UBR4: variants seen among roughly 807,000 people sequenced by gnomAD.
UBR4 encodes E3 ubiquitin-protein ligase UBR4.
UBR4 carries 124 observed loss-of-function variants against 575.6 expected under a neutral mutation model. The ratio of observed to expected loss-of-function variants is 0.22; its 90% CI spans 0.19 to 0.25. The LOEUF is 0.25. Among genes scored for constraint, UBR4 ranks in the 10% least tolerant of loss-of-function variants. The probability of loss-of-function intolerance (pLI) is 1.00; values close to 1 mark genes in which losing one functional copy is unlikely to be tolerated. For synonymous variants in UBR4, 2,455 were observed against 2,473.7 expected, an observed-to-expected ratio of 0.99 and a Z score of 0.22; for missense variants, 4,818 against 6,478.8, an observed-to-expected ratio of 0.74 and a Z score of 8.80.
At chr1:19,091,657 C>T (rs2077523074) in intron 97 of UBR4, among the ~76,000 whole-genome samples, 1 of 152,188 alleles carries the variant, frequency 6.6e-6, no homozygotes, top group Non-Finnish European at 1.5e-5. Context: ...AAAATAGTCA[C>T]CAAATGCTGG....
intron 60 of UBR4, among the ~76,000 whole-genome samples, chr1:19,133,841 G>A (rs567878130): frequency 3.9e-4 from 59 of 152,066 alleles, no homozygotes; most frequent in South Asian, 2.7e-3. Context: ...CACTTTGGGA[G>A]GCCAAGGTGG....
chr1:19,136,574 G>A (rs2083221203), intron 60 of UBR4, among the ~76,000 whole-genome samples: 1 of 152,044 alleles, frequency 6.6e-6, no homozygotes, highest in Admixed American at 6.5e-5. Context: ...CTCAAAAGAA[G>A]GCCACAAAGA....
chr1:19,194,097 C>T (rs765484373), intron 8 of UBR4, among the ~76,000 whole-genome samples: 5 of 152,100 alleles, frequency 3.3e-5, no homozygotes, highest in African/African-American at 7.2e-5. Context: ...CTATTTTGTA[C>T]AATATGGTAA....
rs541133163 is a variant in UBR4, at chr1:19,185,699, G to A, written c.1751-413C>T. Among the ~76,000 whole-genome samples, 10 of 150,194 alleles carry A rather than the reference G, an allele frequency of 6.7e-5. No individual in the cohort carries two copies. In the Admixed American group the frequency reaches 6.7e-4, roughly 10 times the overall value. On this transcript the variant is annotated intron_variant, in intron 14 of 105. Coordinates refer to ENST00000375254, the MANE Select transcript of UBR4 (RefSeq NM_020765.3). ...AGCGATTCTCCTGCCTCAGTCTCCC[G>A]AGTAGCTGGGACTACAGGCTACAGG...
rs770402776 is a variant in UBR4 at position 19,177,611 on chromosome 1, T to C, written c.2487A>G (p.Ile829Met). ...HNFTETGRRA[I>M]LSLFVQIIQE... ...GGATGATCTGGACAAAAAGCGACAA[T>C]ATGGCCCGCCGGCCTGTCTCGGTGA... Residue 829 changes from isoleucine to methionine, a missense_variant, in exon 19 of 106, where the codon ATA becomes ATG. Ile to Met is a conservative substitution (Grantham distance 10). This residue lies in a region of UBR4 where 1,172 missense variants were observed against 1,259.7 expected (regional missense o/e 0.93). Coordinates refer to ENST00000375254, the MANE Select transcript of UBR4 (RefSeq NM_020765.3). 1.9e-6 allele frequency: 3 copies of C among 1,613,290 alleles called. No individual in the cohort carries two copies. Among genetic ancestry groups the C allele is most frequent in the East Asian group, 2.2e-5 (1 of 44,796 alleles).
In UBR4 at chr1:19,115,223, T is replaced by A. The variant is rs58132182; in HGVS notation, c.11063+175A>T. 0.023 allele frequency among the ~76,000 whole-genome samples: 3,079 copies of A among 135,556 alleles called. 100 individuals are homozygous for A. Among genetic ancestry groups the A allele is most frequent in the African/African-American group, 0.078 (2,664 of 34,066 alleles). 88.9% of individuals were successfully genotyped at this position (135,556 alleles called of 152,430 possible). ...TGCACACACACACACACACACACAC[T>A]CACTCACTCTCTCTTCTTCCTCCTC... is the stretch of plus-strand genomic sequence containing the variant. On this transcript the variant is annotated intron_variant, in intron 74 of 105. Transcript: ENST00000375254.
At position 19,185,261 on chromosome 1, in the gene UBR4, C is replaced by T. The variant is rs752662424; in HGVS notation, c.1776G>A (p.Gly592=). ...SQDDDSEPIL[G]QWFEETISPS... ...GAGAAATAGTCTCCTCAAACCATTG[C>T]CCCAAAATAGGCTCACTGTCATCGT... The change falls in exon 15 of 106, where the codon GGG becomes GGA. Residue 592 remains glycine (G), a synonymous_variant. Transcript: ENST00000375254. 2 of 1,585,518 alleles carry T rather than the reference C, an allele frequency of 1.3e-6. No homozygotes were observed. Among genetic ancestry groups the T allele is most frequent in the South Asian group, 1.2e-5 (1 of 86,918 alleles).
In UBR4 at chr1:19,110,442, A is replaced by G. The variant is rs1344536710; in HGVS notation, c.11915T>C (p.Met3972Thr). 2 of 1,614,044 alleles carry G rather than the reference A, an allele frequency of 1.2e-6. No homozygotes were observed. Among genetic ancestry groups the G allele is most frequent in the Non-Finnish European group, 1.7e-6 (2 of 1,180,038 alleles). The change falls in exon 80 of 106, where the codon ATG becomes ACG. Residue 3972 changes from methionine to threonine, a missense_variant. Physicochemically the swap from Met to Thr is moderately conservative, Grantham distance 81 (BLOSUM62 -1). Around this residue, in one of 29 missense-constraint regions of UBR4, gnomAD observed 333 missense variants for 459.2 expected, o/e 0.73. Transcript: ENST00000375254. The surrounding 1 kb of genome is among the most constrained non-coding windows in gnomAD (Gnocchi z 4.5). ...GGAGATAGAATCCGTCAGCAGCAGC[A>G]TTTCATACTGCAGGCTACTTGCCTA... The part of the protein sequence containing the change: ...PDLASSLQYE[M>T]LLLTDSISKE...
chr1:19,206,299 T>C (rs2093004827), intron 1 of UBR4, among the ~76,000 whole-genome samples: 1 of 151,952 alleles, frequency 6.6e-6, no homozygotes, highest in Non-Finnish European at 1.5e-5. Context: ...ATCGTCCCAC[T>C]GTACTCCAGC....
At chr1:19,183,660 T>C in intron 17 of UBR4, 151 bp downstream of exon 17, 1 of 687,370 alleles carries the variant, frequency 1.5e-6, no homozygotes, top group African/African-American at 1.8e-5. Context: ...AGGTGGAGGT[T>C]GCAGTGAGCC....
At position 19,185,220 on chromosome 1, in the gene UBR4, G is replaced by A. The variant is rs370566408; in HGVS notation, c.1817C>T (p.Ala606Val). 16 of 1,612,944 alleles carry A rather than the reference G, an allele frequency of 9.9e-6. No homozygotes were observed. The highest frequency in any genetic ancestry group is 2.2e-5 in the South Asian group (2 of 90,934). Residue 606 changes from alanine to valine, a missense_variant, in exon 15 of 106, where the codon GCA (alanine) becomes GTA (valine). By Grantham distance (64) the Ala-to-Val change is moderately conservative. Transcript: ENST00000375254. ...AGGTGGGGGAGGAGGCGGAGGTGCT[G>A]CTTTCTCTTTACTGGGAGAAATAGT... ...EETISPSKEK[A>V]APPPPPPPPP...
Position 19,210,051 on chromosome 1 carries a change from C to T in UBR4, c.176+22G>A, listed in dbSNP as rs771197933. 1.0e-5 allele frequency: 16 copies of T among 1,529,516 alleles called. 1 individual carries two copies. In the South Asian group the frequency reaches 1.8e-4, roughly 17 times the overall value. The allele number at this position is 1,529,516 out of a possible 1,614,324, so 94.7% of individuals were successfully genotyped here. Reference sequence around the variant, plus strand: ...CCCCTCCCCCCACAACAGCGTCGCCCGCCAGAGCCGCCGCCCGGTACCTCT... The same window carrying T: ...CCCCTCCCCCCACAACAGCGTCGCCTGCCAGAGCCGCCGCCCGGTACCTCT... On this transcript the variant is annotated intron_variant, in intron 1 of 105. Coordinates refer to ENST00000375254, the MANE Select transcript of UBR4 (RefSeq NM_020765.3).
intron 90 of UBR4, among the ~76,000 whole-genome samples, chr1:19,097,953 C>T (rs1488454629): frequency 1.3e-5 from 2 of 152,314 alleles, no homozygotes; most frequent in East Asian, 3.9e-4. Flanking sequence ...ATTACAGCAA[C>T]TTCACTAAAT....
intron 39 of UBR4, among the ~76,000 whole-genome samples, chr1:19,158,251 C>T (rs918307076): frequency 2.2e-4 from 34 of 152,264 alleles, no homozygotes; most frequent in Admixed American, 1.2e-3. Flanking sequence ...GTTAAAATGT[C>T]CAATCTCTTA....
At chr1:19,102,103 A>G (rs1192193233) in intron 87 of UBR4, among the ~76,000 whole-genome samples, 2 of 152,264 alleles carry the variant, frequency 1.3e-5, no homozygotes, top group Non-Finnish European at 2.9e-5. Flanking sequence ...AGTAACATGA[A>G]GGTGAGAAAA....
intron 104 of UBR4, among the ~76,000 whole-genome samples, chr1:19,077,377 G>A (rs1466570785): frequency 2.0e-5 from 3 of 152,212 alleles, no homozygotes; most frequent in Non-Finnish European, 4.4e-5. Context: ...ACCCGGCGGG[G>A]AAGGTCTTCC....
Position 19,139,146 on chromosome 1 carries a change from C to T in UBR4, c.8668G>A (p.Gly2890Ser). Residue 2890 changes from glycine (G) to serine (S), a missense_variant, in exon 59 of 106, where the codon GGT becomes AGT. By Grantham distance (56) the Gly-to-Ser change is moderately conservative. Around this residue, in one of 29 missense-constraint regions of UBR4, gnomAD observed 57 missense variants for 101.5 expected, o/e 0.56. Transcript: ENST00000375254. This position sits in a 1 kb window ranked among gnomAD's most constrained non-coding sequence, Gnocchi z 4.2. The part of the protein sequence containing the change: ...STLRTSPADH[G>S]GSVGSESGGS... Reference sequence around the variant, plus strand: ...CCGCTCTCCGAGCCCACACTACCACCGTGGTCAGCAGGAGAGGTCCGAAGG... The same window carrying T: ...CCGCTCTCCGAGCCCACACTACCACTGTGGTCAGCAGGAGAGGTCCGAAGG... 3 of 1,614,028 alleles carry T rather than the reference C, an allele frequency of 1.9e-6. No homozygotes were observed. Among genetic ancestry groups the T allele is most frequent in the Non-Finnish European group, 2.5e-6 (3 of 1,179,950 alleles).
rs755565232 is a variant in UBR4, at chr1:19,094,918, C to G, written c.13734G>C (p.Leu4578=). The part of the protein sequence containing the change: ...IILDESNAEP[L]SEDKGNLLLT... The stretch of plus-strand genomic sequence containing the variant: ...GAGCCCCACTCACCTTGTCCTCACT[C>G]AGGGGCTCAGCATTGGACTCATCTA... Residue 4578 remains leucine, a synonymous_variant, in exon 94 of 106, where the codon CTG becomes CTC. Coordinates refer to ENST00000375254, the MANE Select transcript of UBR4 (RefSeq NM_020765.3). 4 of 1,613,762 alleles carry G rather than the reference C, an allele frequency of 2.5e-6. No homozygotes were observed. Among genetic ancestry groups the G allele is most frequent in the Non-Finnish European group, 2.5e-6 (3 of 1,180,014 alleles).
At chr1:19,105,578 A>C (rs2079097308) in intron 84 of UBR4, among the ~76,000 whole-genome samples, 155 bp downstream of exon 84, 1 of 152,156 alleles carries the variant, frequency 6.6e-6, no homozygotes, top group Non-Finnish European at 1.5e-5. Flanking sequence ...CACCACTACC[A>C]TCACTAAAAG....
Sources: gnomAD v4.1 joint callset for allele counts (sites outside exome capture counted in the v4.1 genomes callset) on GRCh38, gnomAD v4.1.1 for gene constraint, gnomAD v4.1.1 regional missense constraint, Gnocchi (gnomAD v3.1) non-coding constraint, MANE v1.5 for transcripts, NCBI Gene and HGNC (gene_info 2026-07-23, HGNC 2026-07-21) for gene names.